Variants in CHD7 observed in about 807,000 individuals in gnomAD.
The protein encoded by CHD7 is ATP-dependent chromatin remodeler CHD7.
In CHD7, 24 loss-of-function variants were observed where a neutral mutation model predicts 307.3. The observed-to-expected ratio is 0.08, with a 90% CI of 0.06 to 0.11. The LOEUF (loss-of-function observed/expected upper bound fraction) is 0.11, where lower values mean the gene tolerates loss of function less well. Ranked by LOEUF, CHD7 falls within the 10% of genes least tolerant of loss-of-function variation. The pLI is 1.00. For synonymous variants in CHD7, 1,363 were observed against 1,349.9 expected (o/e 1.01, Z -0.21); for missense variants, 3,106 against 3,727.1 (o/e 0.83, Z 4.34).
chr8:60,802,494 A>T (rs1812360078), intron 6 of CHD7, among the ~76,000 whole-genome samples: 1 of 152,216 alleles, frequency 6.6e-6, no homozygotes, highest in African/African-American at 2.4e-5. Context: ...TTCAAGAAGG[A>T]TGGAACTACA....
At position 60,852,933 on chromosome 8, in the gene CHD7, C is replaced by T; in HGVS notation, c.6208C>T (p.His2070Tyr). The change falls in exon 31 of 38, where the codon CAT (histidine) becomes TAT (tyrosine). Residue 2070 changes from histidine to tyrosine, a missense_variant. His to Tyr is a moderately conservative substitution (Grantham distance 83). This residue lies in a region of CHD7 where 1,030 missense variants were observed against 1,165.4 expected (regional missense o/e 0.88). Transcript: ENST00000423902. ...LLRKIREQVL[H>Y]HPQLGERLKL... ...ACGGAAGATCCGCGAGCAGGTTCTC[C>T]ATCACCCCCAGCTGGGAGAGAGGCT... 6.2e-7 allele frequency: 1 copy of T among 1,613,988 alleles called. No individual in the cohort carries two copies. Among genetic ancestry groups the T allele is most frequent in the Non-Finnish European group, 8.5e-7 (1 of 1,179,892 alleles).
At chr8:60,799,936 T>G (rs1315565989) in intron 4 of CHD7, among the ~76,000 whole-genome samples, 1 of 152,216 alleles carries the variant, frequency 6.6e-6, no homozygotes, top group Non-Finnish European at 1.5e-5. Context: ...CACTGTGATC[T>G]TTTCACATCA....
At chr8:60,847,534 G>A (rs1805268023) in intron 23 of CHD7, among the ~76,000 whole-genome samples, 1 of 152,150 alleles carries the variant, frequency 6.6e-6, no homozygotes, top group African/African-American at 2.4e-5. Context: ...GTACATGATG[G>A]GATTATTCAG....
At position 60,853,136 on chromosome 8, in the gene CHD7, A is replaced by G; in HGVS notation, c.6411A>G (p.Ala2137=). The G allele has an allele frequency of 6.2e-7, 1 of 1,613,956 alleles. No individual in the cohort carries two copies. The highest frequency in any genetic ancestry group is 8.5e-7 in the Non-Finnish European group (1 of 1,179,878). Residue 2137 remains alanine (A), a synonymous_variant, in exon 31 of 38, where the codon GCA becomes GCG. Coordinates refer to ENST00000423902, the MANE Select transcript of CHD7 (RefSeq NM_017780.4). Reference sequence around the variant, plus strand: ...AAAACTTTGCTCAAAACAGAGGGGCAGGTAATACATCTTCCTTGAACCCAC... The same window carrying G: ...AAAACTTTGCTCAAAACAGAGGGGCGGGTAATACATCTTCCTTGAACCCAC... ...AHKNFAQNRG[A]GNTSSLNPLA...
chr8:60,848,924 C>A, intron 24 of CHD7, 127 bp from the exon 25 acceptor site: 1 of 786,960 alleles, frequency 1.3e-6, no homozygotes, highest in Non-Finnish European at 2.2e-6. Flanking sequence ...TTCTTTTAAC[C>A]TTGCTGATAC....
rs200565677 is a variant in CHD7 at position 60,822,735 on chromosome 8, A to G, written c.3190A>G (p.Lys1064Glu). The G allele has an allele frequency of 6.2e-6, 10 of 1,606,730 alleles. No individual in the cohort carries two copies. The African/African-American group carries it at 1.2e-4, about 19-fold the overall frequency. ...RTIQLYEMYF[K>E]DPQGRVIKGS... Reference sequence around the variant, plus strand: ...CATTCAGTTGTATGAAATGTACTTCAAAGATCCCCAGGTAAACCTTCACAG... The same window carrying G: ...CATTCAGTTGTATGAAATGTACTTCGAAGATCCCCAGGTAAACCTTCACAG... The change falls in exon 12 of 38, where the codon AAA (lysine) becomes GAA (glutamate). Residue 1064 changes from lysine (K) to glutamate (E), a missense_variant. By Grantham distance (56) the Lys-to-Glu change is moderately conservative (BLOSUM62 1). This residue lies in a region of CHD7 where 232 missense variants were observed against 422.5 expected (regional missense o/e 0.55). Transcript: ENST00000423902.
At chr8:60,747,101 G>T (rs939162738) in intron 2 of CHD7, among the ~76,000 whole-genome samples, 14 of 152,186 alleles carry the variant, frequency 9.2e-5, no homozygotes, top group Non-Finnish European at 1.6e-4. Flanking sequence ...TTTTGAGACG[G>T]AGTCTTACTC....
rs77753062 is a variant in CHD7 at position 60,829,210 on chromosome 8, C to G, written c.3522+404C>G. On this transcript the variant is annotated intron_variant, in intron 14 of 37. Coordinates refer to ENST00000423902, the MANE Select transcript of CHD7 (RefSeq NM_017780.4). Reference sequence around the variant, plus strand: ...GTGAAGCATCTGTACTCAGCCACACCGCTTACTTCTTCAAGCCTACGTATT... The same window carrying G: ...GTGAAGCATCTGTACTCAGCCACACGGCTTACTTCTTCAAGCCTACGTATT... 9.4e-3 allele frequency among the ~76,000 whole-genome samples: 1,432 copies of G among 152,322 alleles called. 15 individuals are homozygous for G. Among genetic ancestry groups the G allele is most frequent in the Middle Eastern group, 0.02 (6 of 294 alleles).
intron 17 of CHD7, 81 bp downstream of exon 17, chr8:60,837,093 T>C (rs1804775651): frequency 1.8e-6 from 2 of 1,109,554 alleles, no homozygotes; most frequent in African/African-American, 3.2e-5. Context: ...GTCAGACCCA[T>C]AAATTAATGT....
At chr8:60,829,337 C>T (rs1000323379) in intron 14 of CHD7, among the ~76,000 whole-genome samples, 9 of 152,208 alleles carry the variant, frequency 5.9e-5, no homozygotes, top group East Asian at 1.9e-4. Flanking sequence ...CGGTGGCTTA[C>T]GCCTGTAATC....
intron 29 of CHD7, 90 bp from the exon 30 acceptor site, chr8:60,852,408 G>T: frequency 7.3e-7 from 1 of 1,368,924 alleles, no homozygotes; most frequent in Non-Finnish European, 1.0e-6. Flanking sequence ...TAACTACCAT[G>T]TATAAAGTCT....
chr8:60,830,825 A>G (rs1804478432), intron 15 of CHD7, among the ~76,000 whole-genome samples: 1 of 152,166 alleles, frequency 6.6e-6, no homozygotes, highest in Non-Finnish European at 1.5e-5. Flanking sequence ...CCTGTGCTTG[A>G]AAAGAGGCGT....
chr8:60,728,811 A>G (rs1808299243), intron 1 of CHD7, among the ~76,000 whole-genome samples: 1 of 152,234 alleles, frequency 6.6e-6, no homozygotes, highest in African/African-American at 2.4e-5. Context: ...TTAAGATAAC[A>G]AAGTTTATTT....
Position 60,742,907 on chromosome 8 carries a change from A to G in CHD7, c.1475A>G (p.Gln492Arg), listed in dbSNP as rs1301038949. 1.2e-5 allele frequency: 19 copies of G among 1,612,716 alleles called. No homozygotes were observed. Among genetic ancestry groups the G allele is most frequent in the East Asian group, 2.2e-5 (1 of 44,834 alleles). ...GVGLGDPQAI[Q>R]ERLIPGQQHP... The stretch of plus-strand genomic sequence containing the variant: ...GGCCTTGGAGACCCACAAGCAATCC[A>G]GGAACGACTGATACCTGGCCAACAA... The change falls in exon 2 of 38, where the codon CAG becomes CGG. Residue 492 changes from glutamine (Q) to arginine (R), a missense_variant. Gln to Arg is a conservative substitution (Grantham distance 43, BLOSUM62 1). This residue lies in a region of CHD7 where 998 missense variants were observed against 1,004.5 expected (regional missense o/e 0.99). Transcript: ENST00000423902.
chr8:60,795,339 G>T (rs1586341862), intron 4 of CHD7, among the ~76,000 whole-genome samples: 1 of 152,202 alleles, frequency 6.6e-6, no homozygotes, highest in East Asian at 1.9e-4. Flanking sequence ...GCTTGGTTTT[G>T]CTATCTTTGA....
intron 9 of CHD7, among the ~76,000 whole-genome samples, chr8:60,820,302 T>C (rs995734995): frequency 1.3e-5 from 2 of 152,228 alleles, no homozygotes; most frequent in African/African-American, 4.8e-5. Context: ...GAGAACTTTT[T>C]TAAAAAATTG....
At chr8:60,823,689 C>A in intron 12 of CHD7, 151 bp from the exon 13 acceptor site, 1 of 691,516 alleles carries the variant, frequency 1.4e-6, no homozygotes, top group Non-Finnish European at 2.4e-6. Flanking sequence ...TCGTTTAAAA[C>A]TGCCAAAATA....
chr8:60,816,749 C>T (rs1296347123), intron 8 of CHD7, among the ~76,000 whole-genome samples: 1 of 152,106 alleles, frequency 6.6e-6, no homozygotes, highest in East Asian at 1.9e-4. Context: ...TGATAAAAAT[C>T]GTGTAATGAA....
chr8:60,805,058 G>C (rs1812476223), intron 6 of CHD7, among the ~76,000 whole-genome samples: 1 of 152,102 alleles, frequency 6.6e-6, no homozygotes. Context: ...ATAGTTCTTT[G>C]ACTTAGTTAT....
Sources: gnomAD v4.1 joint callset for allele counts (sites outside exome capture counted in the v4.1 genomes callset) on GRCh38, gnomAD v4.1.1 for gene constraint, gnomAD v4.1.1 regional missense constraint, MANE v1.5 for transcripts, NCBI Gene and HGNC (gene_info 2026-07-23, HGNC 2026-07-21) for gene names.